Variants in MZT1 observed in about 807,000 individuals in gnomAD.
MZT1 encodes the protein mitotic-spindle organizing protein 1.
A neutral mutation model predicts 8.5 loss-of-function variants in MZT1; 8 were observed. That is an observed-to-expected ratio of 0.94 (90% CI 0.55 to 1.70). MZT1 has a LOEUF of 1.70. MZT1 is among the 40% of genes most tolerant of loss of function. The pLI is 0.00. For missense variants in MZT1, 93 were observed against 108.6 expected (o/e 0.86, Z 0.64); for synonymous variants, 38 against 42.0 (o/e 0.90, Z 0.37).
At chr13:72,726,744 G>GAAAA (rs35019188) in intron 1 of MZT1, among the ~76,000 whole-genome samples, 10 of 132,136 alleles carry the variant, frequency 7.6e-5, no homozygotes, top group South Asian at 2.3e-4. Flanking sequence ...TTATTTTACA[G>GAAAA]AAAAAAAAAA....
intron 2 of MZT1, among the ~76,000 whole-genome samples, chr13:72,711,646 T>C (rs1342762857): frequency 6.8e-6 from 1 of 147,780 alleles, no homozygotes; most frequent in South Asian, 2.1e-4. Context: ...TAGATAAAGA[T>C]AGAACACAGC....
chr13:72,711,733 A>G (rs1165132431), intron 2 of MZT1, among the ~76,000 whole-genome samples: 3 of 151,776 alleles, frequency 2.0e-5, no homozygotes, highest in African/African-American at 7.3e-5. Flanking sequence ...AAAATTCATG[A>G]GCAGCAACCA....
intron 1 of MZT1, among the ~76,000 whole-genome samples, chr13:72,725,150 A>G (rs2032635645): frequency 6.6e-6 from 1 of 152,152 alleles, no homozygotes; most frequent in East Asian, 1.9e-4. Flanking sequence ...AGGAAAATAA[A>G]AATTAAGGTA....
chr13:72,724,707 T>TAG, intron 1 of MZT1, among the ~76,000 whole-genome samples: 1 of 22,742 alleles, frequency 4.4e-5, no homozygotes, highest in Non-Finnish European at 3.1e-4. Context: ...ACTAAATATA[T>TAG]ATATATATAT....
chr13:72,715,799 A>C (rs1177517982), intron 2 of MZT1, among the ~76,000 whole-genome samples: 1 of 151,968 alleles, frequency 6.6e-6, no homozygotes, highest in Admixed American at 6.6e-5. Flanking sequence ...TTCCATAATG[A>C]TTGTAACCTT....
intron 2 of MZT1, among the ~76,000 whole-genome samples, chr13:72,712,987 T>A (rs1490636553): frequency 6.6e-6 from 1 of 152,212 alleles, no homozygotes. Context: ...TTAAAAGTTA[T>A]TAGATAATAT....
intron 2 of MZT1, among the ~76,000 whole-genome samples, chr13:72,716,283 T>G (rs9600015): frequency 0.028 from 4,272 of 151,978 alleles, 89 homozygotes; most frequent in Non-Finnish European, 0.043. Context: ...GGATAGTAGT[T>G]ACTGGAGAGG....
chr13:72,723,212 T>C (rs2032607108), intron 1 of MZT1, among the ~76,000 whole-genome samples: 1 of 152,230 alleles, frequency 6.6e-6, no homozygotes, highest in Non-Finnish European at 1.5e-5. Context: ...CCTCCCTTCA[T>C]ATAACTCAAT....
At chr13:72,711,677 T>C (rs2032489886) in intron 2 of MZT1, among the ~76,000 whole-genome samples, 2 of 144,916 alleles carry the variant, frequency 1.4e-5, no homozygotes, top group South Asian at 2.3e-4. Flanking sequence ...TCTCTTTACC[T>C]TAATTTTAAA....
In MZT1 at chr13:72,709,138, A is replaced by G. The variant is rs1236395862; in HGVS notation, c.*1184T>C. On this transcript the variant is annotated 3_prime_UTR_variant, in exon 3 of 3. Coordinates refer to ENST00000377818, the MANE Select transcript of MZT1 (RefSeq NM_001071775.3). ...TTTAAAGGCAAGAATAATGACAAAC[A>G]AAACAATTCTGAAAAGCCATACTTA... 6.6e-6 allele frequency: 1 copy of G among 152,040 alleles called. No individual in the cohort carries two copies. Among genetic ancestry groups the G allele is most frequent in the African/African-American group, 2.4e-5 (1 of 41,448 alleles). The allele number at this position is 152,040 out of a possible 1,614,324, so 9.4% of individuals were successfully genotyped here.
intron 2 of MZT1, among the ~76,000 whole-genome samples, chr13:72,713,634 C>T (rs1361699236): frequency 6.6e-6 from 1 of 152,170 alleles, no homozygotes. Flanking sequence ...TCCCCCTGTT[C>T]CCCAAATATT....
In MZT1 at chr13:72,724,642, G is replaced by A. The variant is rs1387153086; in HGVS notation, c.79+2882C>T. On this transcript the variant is annotated intron_variant, in intron 1 of 2. Coordinates refer to ENST00000377818, the MANE Select transcript of MZT1 (RefSeq NM_001071775.3). ...CAACCTTCGCCTCCCAGGTTCAAGC[G>A]ATTCTCCTGCCTCAGCCTCCCAAGT... Among the ~76,000 whole-genome samples, 5 of 130,604 alleles carry A rather than the reference G, an allele frequency of 3.8e-5. No individual in the cohort carries two copies. In the East Asian group the frequency reaches 9.2e-4, roughly 24 times the overall value. The allele number at this position is 130,604 out of a possible 152,430, so 85.7% of individuals were successfully genotyped here. A position where few individuals can be genotyped will look rare whatever the true frequency, so the allele number is the denominator to read the frequency against.
chr13:72,719,158 T>G, intron 1 of MZT1, 61 bp from the exon 2 acceptor site: 234 of 1,199,140 alleles, frequency 2.0e-4, no homozygotes, highest in Non-Finnish European at 2.4e-4. Flanking sequence ...AATATGCATA[T>G]AGTACTTTCA....
chr13:72,724,508 T>C (rs2032620833), intron 1 of MZT1, among the ~76,000 whole-genome samples: 1 of 148,706 alleles, frequency 6.7e-6, no homozygotes, highest in African/African-American at 2.5e-5. Context: ...CTATATACCA[T>C]AGATTCTCTT....
intron 1 of MZT1, among the ~76,000 whole-genome samples, chr13:72,724,356 G>C (rs1186183748): frequency 6.6e-6 from 1 of 151,964 alleles, no homozygotes; most frequent in African/African-American, 2.4e-5. Flanking sequence ...AGAATTGAAA[G>C]GGCTTAGTGA....
intron 1 of MZT1, among the ~76,000 whole-genome samples, chr13:72,722,150 C>G (rs1159520468): frequency 6.6e-6 from 1 of 152,146 alleles, no homozygotes; most frequent in East Asian, 1.9e-4. Context: ...TATAAGCAAG[C>G]AGCAAAAGAC....
At chr13:72,718,573 G>T (rs183698376) in intron 2 of MZT1, among the ~76,000 whole-genome samples, 1 of 151,982 alleles carries the variant, frequency 6.6e-6, no homozygotes, top group South Asian at 2.1e-4. Context: ...CGCCTCCTGG[G>T]TTCACGCCAT....
intron 2 of MZT1, among the ~76,000 whole-genome samples, chr13:72,716,868 T>G (rs1457665659): frequency 1.3e-5 from 2 of 152,200 alleles, no homozygotes; most frequent in African/African-American, 4.8e-5. Context: ...CCATGGTCTC[T>G]GAGGCGCTCT....
At chr13:72,718,684 T>C (rs546492914) in intron 2 of MZT1, among the ~76,000 whole-genome samples, 1 of 152,208 alleles carries the variant, frequency 6.6e-6, no homozygotes, top group South Asian at 2.1e-4. Flanking sequence ...CTTTACTGTG[T>C]TAGCCAGGAT....
Sources: gnomAD v4.1 joint callset for allele counts (sites outside exome capture counted in the v4.1 genomes callset) on GRCh38, gnomAD v4.1.1 for gene constraint, MANE v1.5 for transcripts, NCBI Gene and HGNC (gene_info 2026-07-23, HGNC 2026-07-21) for gene names.